The following CBFA2T3 variants were observed in gnomAD, a reference collection of about 807,000 sequenced individuals.
CBFA2T3 encodes the protein transcriptional corepressor CBFA2T3.
CBFA2T3 carries 31 observed loss-of-function variants against 58.6 expected under a neutral mutation model. The ratio of observed to expected loss-of-function variants is 0.53; its 90% CI spans 0.40 to 0.71. The LOEUF (loss-of-function observed/expected upper bound fraction) is 0.71, where lower values mean the gene tolerates loss of function less well. Ranked by LOEUF, CBFA2T3 falls within the 30% of genes least tolerant of loss-of-function variation. The pLI, the probability that CBFA2T3 is intolerant of heterozygous loss-of-function variation, is 0.00. For synonymous variants in CBFA2T3, 531 were observed against 421.9 expected (o/e 1.26, Z -3.17); for missense variants, 1,076 against 963.1 (o/e 1.12, Z -1.55).
At chr16:88,966,144 G>A (rs947062741) in intron 1 of CBFA2T3, among the ~76,000 whole-genome samples, 3 of 152,192 alleles carry the variant, frequency 2.0e-5, no homozygotes, top group Non-Finnish European at 1.5e-5. Context: ...GTTTGTGTGG[G>A]TCGCTCTGCT....
At chr16:88,951,890 C>T (rs1048648994) in intron 1 of CBFA2T3, among the ~76,000 whole-genome samples, 6 of 152,190 alleles carry the variant, frequency 3.9e-5, no homozygotes, top group Admixed American at 2.0e-4. Flanking sequence ...GGCCTGAAAC[C>T]GGTGCCCCTG....
rs139061177 is a variant in CBFA2T3, at chr16:88,887,697, T to C, written c.712-1555A>G. The stretch of plus-strand genomic sequence containing the variant: ...TCCGGCAGTGCCTCCTTCAAGGCAG[T>C]GTCCCCACTCTGTCCCCAGGAGCCC... On this transcript the variant is annotated intron_variant, in intron 5 of 11. Coordinates refer to ENST00000268679, the MANE Select transcript of CBFA2T3 (RefSeq NM_005187.6). Among the ~76,000 whole-genome samples, 174 of 152,236 alleles carry C rather than the reference T, an allele frequency of 1.1e-3. 1 individual carries two copies. The highest frequency in any genetic ancestry group is 3.9e-3 in the African/African-American group (160 of 41,536).
At chr16:88,914,359 TTGTGGTGCACACTTCTG>T (rs1450874168) in intron 1 of CBFA2T3, among the ~76,000 whole-genome samples, 1 of 152,096 alleles carries the variant, frequency 6.6e-6, no homozygotes, top group Non-Finnish European at 1.5e-5. Flanking sequence ...ACGTGATGCT[TTGTGGTGCACACTTCTG>T]TGTGCAGTGC....
chr16:88,881,040 TC>T (rs1410042793), intron 9 of CBFA2T3: 8 of 702,168 alleles, frequency 1.1e-5, no homozygotes, highest in African/African-American at 5.3e-5. Context: ...GTGTCAGCAT[TC>T]GTCGCTGAGG....
intron 10 of CBFA2T3, among the ~76,000 whole-genome samples, chr16:88,880,470 G>A (rs1489521328): frequency 6.6e-6 from 1 of 152,230 alleles, no homozygotes; most frequent in African/African-American, 2.4e-5. Flanking sequence ...GGGTGTGCAG[G>A]TCCAGGACCC....
rs1325895763 is a variant in CBFA2T3, at chr16:88,916,934, A to G, written c.152-15278T>C. Among the ~76,000 whole-genome samples, 4 of 151,984 alleles carry G rather than the reference A, an allele frequency of 2.6e-5. No homozygotes were observed. In the East Asian group the frequency reaches 7.8e-4, roughly 30 times the overall value. ...GTATCAGTTACTAGACGGGCGCAGA[A>G]GCACGGATTCTTTTAGAAAAAGAGG... On this transcript the variant is annotated intron_variant, in intron 1 of 11. Transcript: ENST00000268679.
rs1968823414 is a variant in CBFA2T3, at chr16:88,876,226, T to C, written c.*750A>G. The C allele has an allele frequency of 4.3e-6, 1 of 230,886 alleles. No homozygotes were observed. The highest frequency in any genetic ancestry group is 8.6e-6 in the Non-Finnish European group (1 of 116,340). The allele number at this position is 230,886 out of a possible 1,614,324, so 14.3% of individuals were successfully genotyped here. The stretch of plus-strand genomic sequence containing the variant: ...CTAGCAAGGTAGTTCACAAGTATGC[T>C]TCCTTTGCTTTTTTAAAAAAACTTT... On this transcript the variant is annotated 3_prime_UTR_variant, in exon 12 of 12. Transcript: ENST00000268679.
At chr16:88,973,175 C>A (rs1972700128) in intron 1 of CBFA2T3, among the ~76,000 whole-genome samples, 1 of 152,264 alleles carries the variant, frequency 6.6e-6, no homozygotes, top group African/African-American at 2.4e-5. Flanking sequence ...GGGCTGCCTG[C>A]AGCCTCTCCA....
rs372412465 is a variant in CBFA2T3, at chr16:88,885,942, C to A, written c.893+19G>T. ...TGTCCACGGCACCCCCAGCCCAGAT[C>A]CCCGGAGCCCACAGGTACCTGTCGG... On this transcript the variant is annotated intron_variant, in intron 6 of 11. Transcript: ENST00000268679. This position sits in a 1 kb window ranked among gnomAD's most constrained non-coding sequence, Gnocchi z 5.3. The A allele has an allele frequency of 4.8e-5, 74 of 1,545,454 alleles. No homozygotes were observed. Among genetic ancestry groups the A allele is most frequent in the Non-Finnish European group, 6.2e-5 (71 of 1,145,478 alleles).
Position 88,885,241 on chromosome 16 carries a change from G to A in CBFA2T3, c.922C>T (p.Pro308Ser). The A allele has an allele frequency of 6.3e-7, 1 of 1,576,948 alleles. No homozygotes were observed. The change falls in exon 7 of 12, where the codon CCG (proline) becomes TCG (serine). Residue 308 changes from proline (P) to serine (S), a missense_variant. Pro to Ser is a moderately conservative substitution (Grantham distance 74, BLOSUM62 -1). Transcript: ENST00000268679. The surrounding 1 kb of genome is among the most constrained non-coding windows in gnomAD (Gnocchi z 5.3). ...RTKENGSDRD[P>S]LHPEHLSKRP... is the part of the protein sequence containing the mutation. ...TTGCTGAGGTGCTCGGGGTGCAGCGGGTCGCGGTCTGACCCGTTCTCTTTG... is the reference window on the plus strand; with the variant it reads ...TTGCTGAGGTGCTCGGGGTGCAGCGAGTCGCGGTCTGACCCGTTCTCTTTG...
chr16:88,882,712 C>T lies in CBFA2T3; in HGVS notation c.1167G>A (p.Glu389=). 6.3e-7 allele frequency: 1 copy of T among 1,591,458 alleles called. No individual in the cohort carries two copies. Among genetic ancestry groups the T allele is most frequent in the Non-Finnish European group, 8.6e-7 (1 of 1,169,326 alleles). The stretch of plus-strand genomic sequence containing the variant: ...GCTTCCACTCTTCTGCCCACTCACG[C>T]TCTGTGAGCTTGTGGTCGATCACTT... The part of the protein sequence containing the change: ...QEEVIDHKLT[E]REWAEEWKHL... Residue 389 remains glutamate, a synonymous_variant, in exon 8 of 12, where the codon GAG becomes GAA. Coordinates refer to ENST00000268679, the MANE Select transcript of CBFA2T3 (RefSeq NM_005187.6).
intron 1 of CBFA2T3, among the ~76,000 whole-genome samples, chr16:88,975,893 G>C (rs78258274): frequency 0.12 from 18,017 of 152,338 alleles, 1,180 homozygotes; most frequent in African/African-American, 0.17. Flanking sequence ...CGGCCTCAGT[G>C]AGAGCCCCGC....
rs143209117 is a variant in CBFA2T3, at chr16:88,969,434, G to C, written c.151+7223C>G. 4.8e-3 allele frequency among the ~76,000 whole-genome samples: 728 copies of C among 152,332 alleles called. 6 individuals are homozygous for C. Among genetic ancestry groups the C allele is most frequent in the African/African-American group, 0.017 (702 of 41,572 alleles). On this transcript the variant is annotated intron_variant, in intron 1 of 11. Coordinates refer to ENST00000268679, the MANE Select transcript of CBFA2T3 (RefSeq NM_005187.6). ...GCAGGGCCAGCTGCGGGGGTCGCAAGAGCGGGGCCCCTTGGGAAGGAGTGC... is the reference window on the plus strand; with the variant it reads ...GCAGGGCCAGCTGCGGGGGTCGCAACAGCGGGGCCCCTTGGGAAGGAGTGC...
intron 1 of CBFA2T3, among the ~76,000 whole-genome samples, chr16:88,916,751 G>C (rs927955858): frequency 8.5e-5 from 13 of 152,094 alleles, no homozygotes; most frequent in African/African-American, 2.9e-4. Flanking sequence ...AATGCCTCTT[G>C]GCCACTGGCA....
chr16:88,938,351 C>G (rs958843949), intron 1 of CBFA2T3: 10 of 152,602 alleles, frequency 6.6e-5, no homozygotes, highest in African/African-American at 2.4e-4. Flanking sequence ...CAGGGCTGGA[C>G]AGGGACTGGG....
intron 1 of CBFA2T3, among the ~76,000 whole-genome samples, chr16:88,910,922 G>T (rs1401106455): frequency 6.6e-6 from 1 of 152,038 alleles, no homozygotes; most frequent in Admixed American, 6.5e-5. Flanking sequence ...GCCAAGTGTG[G>T]GGATCTGGGG....
At chr16:88,918,494 G>C (rs968630635) in intron 1 of CBFA2T3, among the ~76,000 whole-genome samples, 1 of 152,238 alleles carries the variant, frequency 6.6e-6, no homozygotes, top group African/African-American at 2.4e-5. Flanking sequence ...ACAGGGTGGG[G>C]CTCCCGCCCC....
chr16:88,960,991 G>A (rs1807070909), intron 1 of CBFA2T3, among the ~76,000 whole-genome samples: 1 of 152,218 alleles, frequency 6.6e-6, no homozygotes, highest in Non-Finnish European at 1.5e-5. Context: ...TTGTTTATCT[G>A]AAATTTGACT....
chr16:88,877,081 G>A lies in CBFA2T3; in HGVS notation c.1857C>T (p.Pro619=). 1.3e-6 allele frequency: 2 copies of A among 1,535,664 alleles called. No homozygotes were observed. The highest frequency in any genetic ancestry group is 8.8e-7 in the Non-Finnish European group (1 of 1,139,122). ...GGCTGGCAGCACCCACAGGCAGGGA[G>A]GGGCCCAGGCTGTGGGCGGCTTCGG... ...GPPEAAHSLG[P]SLPVGAASPS... The change falls in exon 12 of 12, where the codon CCC becomes CCT. Residue 619 remains proline (P), a synonymous_variant. Transcript: ENST00000268679.
Sources: gnomAD v4.1 joint callset for allele counts (sites outside exome capture counted in the v4.1 genomes callset) on GRCh38, gnomAD v4.1.1 for gene constraint, Gnocchi (gnomAD v3.1) non-coding constraint, MANE v1.5 for transcripts, NCBI Gene and HGNC (gene_info 2026-07-23, HGNC 2026-07-21) for gene names.